The following TRPM3 variants were observed in gnomAD, a reference collection of about 807,000 sequenced individuals.
TRPM3 encodes the protein long transient receptor potential channel 3.
In TRPM3, 77 loss-of-function variants were observed where a neutral mutation model predicts 181.2. That is an observed-to-expected ratio of 0.42 (90% confidence interval 0.35 to 0.51). TRPM3 has a LOEUF of 0.51. Among genes scored for constraint, TRPM3 ranks in the 20% least tolerant of loss-of-function variants. The probability of loss-of-function intolerance (pLI) is 0.01; values close to 1 mark genes in which losing one functional copy is unlikely to be tolerated. For missense variants in TRPM3, 1,759 were observed against 2,196.7 expected, an observed-to-expected ratio of 0.80 and a Z score of 3.98; for synonymous variants, 745 against 796.4, an observed-to-expected ratio of 0.94 and a Z score of 1.09.
At chr9:71,047,235 T>C (rs2059545366) in intron 1 of TRPM3, among the ~76,000 whole-genome samples, 2 of 152,202 alleles carry the variant, frequency 1.3e-5, no homozygotes, top group African/African-American at 4.8e-5. Context: ...TTTGGAATTA[T>C]TACCACTAGA....
At chr9:71,170,897 T>C (rs915863007) in intron 1 of TRPM3, among the ~76,000 whole-genome samples, 2 of 152,172 alleles carry the variant, frequency 1.3e-5, no homozygotes, top group African/African-American at 2.4e-5. Flanking sequence ...TGACCACTGG[T>C]GAGCTGGGCA....
intron 1 of TRPM3, among the ~76,000 whole-genome samples, chr9:71,141,207 T>G (rs1033787091): frequency 6.6e-6 from 1 of 152,186 alleles, no homozygotes; most frequent in Non-Finnish European, 1.5e-5. Flanking sequence ...GATAAATTAA[T>G]TAGTTGTACT....
intron 1 of TRPM3, among the ~76,000 whole-genome samples, chr9:71,372,142 G>A (rs1348434902): frequency 6.6e-6 from 1 of 152,092 alleles, no homozygotes; most frequent in Non-Finnish European, 1.5e-5. Flanking sequence ...CCATGTCCCT[G>A]CAAAGGACAT....
chr9:70,908,472 G>T (rs971972263), intron 1 of TRPM3, among the ~76,000 whole-genome samples: 1 of 152,198 alleles, frequency 6.6e-6, no homozygotes, highest in Non-Finnish European at 1.5e-5. Flanking sequence ...CAAGAAATGT[G>T]GGGCCAAAAT....
At position 70,917,281 on chromosome 9, in the gene TRPM3, T is replaced by G. The variant is rs2096606809; in HGVS notation, c.178-52770A>C. 4.8e-6 allele frequency: 7 copies of G among 1,444,376 alleles called. No homozygotes were observed. The Admixed American group carries it at 1.2e-4, about 24-fold the overall frequency. The allele number at this position is 1,444,376 out of a possible 1,614,324, so 89.5% of individuals were successfully genotyped here. A position where few individuals can be genotyped will look rare whatever the true frequency, so the allele number is the denominator to read the frequency against. On this transcript the variant is annotated intron_variant, in intron 1 of 25. Transcript: ENST00000677713. ...TAAACACCAATTCAGCATAGTCAATTAGGAAGCGAAAGTGGTATATTATTA... is the reference window on the plus strand; with the variant it reads ...TAAACACCAATTCAGCATAGTCAATGAGGAAGCGAAAGTGGTATATTATTA...
chr9:71,190,088 T>C (rs1250793699), intron 1 of TRPM3, among the ~76,000 whole-genome samples: 15 of 151,850 alleles, frequency 9.9e-5, no homozygotes, highest in Admixed American at 7.2e-4. Flanking sequence ...TGTGGAGATT[T>C]GAAAGAGCAA....
intron 1 of TRPM3, among the ~76,000 whole-genome samples, chr9:71,252,850 T>C (rs76078351): frequency 2.1e-5 from 3 of 143,634 alleles, no homozygotes; most frequent in Non-Finnish European, 4.6e-5. Context: ...TTTGTCTCTT[T>C]TTTTTTTTTT....
intron 1 of TRPM3, among the ~76,000 whole-genome samples, chr9:71,209,259 G>T (rs1310500708): frequency 6.6e-6 from 1 of 151,428 alleles, no homozygotes; most frequent in Non-Finnish European, 1.5e-5. Context: ...TTAACACTCA[G>T]ATGAGGAAAC....
chr9:71,037,436 C>T (rs533533020), intron 1 of TRPM3, among the ~76,000 whole-genome samples: 1 of 152,222 alleles, frequency 6.6e-6, no homozygotes, highest in African/African-American at 2.4e-5. Context: ...AGTAGGGTTA[C>T]AAGTGCTCCA....
At chr9:71,279,049 ATAAAAAT>A (rs1565414250) in intron 1 of TRPM3, among the ~76,000 whole-genome samples, 4,434 of 132,460 alleles carry the variant, frequency 0.033, 718 homozygotes, top group African/African-American at 0.13. Flanking sequence ...AAAAATAAAA[ATAAAAAT>A]AAAAATAAAA....
At chr9:71,285,962 A>G (rs1292935529) in intron 1 of TRPM3, among the ~76,000 whole-genome samples, 1 of 152,242 alleles carries the variant, frequency 6.6e-6, no homozygotes, top group Non-Finnish European at 1.5e-5. Context: ...ATATTTGTCT[A>G]TAACTTTCCT....
At chr9:70,919,695 A>T (rs1310730677) in intron 1 of TRPM3, among the ~76,000 whole-genome samples, 1 of 151,870 alleles carries the variant, frequency 6.6e-6, no homozygotes, top group Admixed American at 6.6e-5. Flanking sequence ...GAGGCAGGAG[A>T]ATCTCTTGAT....
At chr9:70,580,617 C>T (rs906110635) in intron 22 of TRPM3, among the ~76,000 whole-genome samples, 3 of 152,170 alleles carry the variant, frequency 2.0e-5, no homozygotes, top group African/African-American at 7.2e-5. Flanking sequence ...CTCTCTGGCC[C>T]CCATATGCCC....
rs370267951 is a variant in TRPM3, at chr9:70,641,190, C to CA, written c.1346-531dup. Reference sequence around the variant, plus strand: ...GCTAGGCAAAGTGTGGTTCACAGAGCAGCTGCAGCAGTGCCACCCTGGTGC... The same window carrying CA: ...GCTAGGCAAAGTGTGGTTCACAGAGCAAGCTGCAGCAGTGCCACCCTGGTGC... On this transcript the variant is annotated intron_variant, in intron 9 of 25. Transcript: ENST00000677713. Among the ~76,000 whole-genome samples, 173 of 152,284 alleles carry CA rather than the reference C, an allele frequency of 1.1e-3. 1 individual carries two copies. The highest frequency in any genetic ancestry group is 3.3e-3 in the African/African-American group (138 of 41,570).
chr9:71,375,551 G>A (rs2092645706), intron 1 of TRPM3, among the ~76,000 whole-genome samples: 1 of 152,214 alleles, frequency 6.6e-6, no homozygotes, highest in Non-Finnish European at 1.5e-5. Flanking sequence ...AAGAGCTTCA[G>A]CACAGCAGAA....
At chr9:71,085,310 C>G (rs1227913478) in intron 1 of TRPM3, among the ~76,000 whole-genome samples, 3 of 151,918 alleles carry the variant, frequency 2.0e-5, no homozygotes, top group Admixed American at 2.0e-4. Flanking sequence ...AGCTTTTGCA[C>G]AGCAAAAGAA....
intron 20 of TRPM3, among the ~76,000 whole-genome samples, chr9:70,602,406 A>T (rs1423091376): frequency 6.6e-6 from 1 of 151,950 alleles, no homozygotes; most frequent in African/African-American, 2.4e-5. Flanking sequence ...CTTTTTTCCT[A>T]TGGTGCCCAG....
At chr9:70,820,429 C>G (rs2093063095) in intron 6 of TRPM3, among the ~76,000 whole-genome samples, 1 of 152,070 alleles carries the variant, frequency 6.6e-6, no homozygotes, top group Non-Finnish European at 1.5e-5. Context: ...CTCTTGTTGC[C>G]CAGGCTGGAG....
chr9:71,261,369 C>G (rs2083042121), intron 1 of TRPM3, among the ~76,000 whole-genome samples: 1 of 152,118 alleles, frequency 6.6e-6, no homozygotes, highest in Non-Finnish European at 1.5e-5. Flanking sequence ...CATTTATGTT[C>G]TTCTTTAAAC....
Sources: allele counts gnomAD v4.1 joint callset (sites outside exome capture counted in the v4.1 genomes callset), GRCh38; gene constraint gnomAD v4.1.1; transcripts MANE v1.5; gene names NCBI Gene and HGNC (gene_info 2026-07-23, HGNC 2026-07-21).